MGAT4A: variants seen among roughly 807,000 people sequenced by gnomAD.
The protein encoded by MGAT4A is N-acetylglucosaminyltransferase IVa.
Under a neutral mutation model 74.1 loss-of-function variants are expected in MGAT4A, and 33 were observed. That is an observed-to-expected ratio of 0.45 (90% CI 0.34 to 0.60). MGAT4A has a LOEUF of 0.60. MGAT4A is among the 20% of genes least tolerant of loss of function. MGAT4A has a pLI of 0.02. For missense variants in MGAT4A, 479 were observed against 628.3 expected (o/e 0.76, Z 2.54); for synonymous variants, 198 against 210.4 (o/e 0.94, Z 0.51).
intron 2 of MGAT4A, among the ~76,000 whole-genome samples, chr2:98,693,414 C>T (rs1236556733): frequency 6.6e-6 from 1 of 152,042 alleles, no homozygotes; most frequent in Non-Finnish European, 1.5e-5. Flanking sequence ...TTCCTTTTCT[C>T]GAGTTTTCTA....
At chr2:98,657,092 C>T (rs946378091) in intron 6 of MGAT4A, among the ~76,000 whole-genome samples, 1 of 152,202 alleles carries the variant, frequency 6.6e-6, no homozygotes, top group African/African-American at 2.4e-5. Flanking sequence ...GCCCCCACAA[C>T]AAAAAATTAT....
Position 98,668,763 on chromosome 2 carries a change from G to A in MGAT4A, c.404-5584C>T, listed in dbSNP as rs370172745. On this transcript the variant is annotated intron_variant, in intron 4 of 15. Transcript: ENST00000393487. The stretch of plus-strand genomic sequence containing the variant: ...GAGGCTGTACCCCGCAGAGCCACAG[G>A]GGCAGAGCTGCCCAAGACCATGGGA... 3.3e-5 allele frequency among the ~76,000 whole-genome samples: 5 copies of A among 152,358 alleles called. No individual in the cohort carries two copies. In the East Asian group the frequency reaches 7.7e-4, roughly 23 times the overall value.
intron 2 of MGAT4A, among the ~76,000 whole-genome samples, chr2:98,692,705 T>C (rs1702211738): frequency 6.6e-6 from 1 of 152,208 alleles, no homozygotes. Context: ...TAATTGCCTA[T>C]GGAATTCAGT....
intron 3 of MGAT4A, among the ~76,000 whole-genome samples, chr2:98,677,299 T>C (rs1701987853): frequency 6.6e-6 from 1 of 152,178 alleles, no homozygotes; most frequent in African/African-American, 2.4e-5. Flanking sequence ...GCTCAAAGAT[T>C]TCTCCAGAGT....
At chr2:98,677,001 G>C (rs1701983981) in intron 3 of MGAT4A, among the ~76,000 whole-genome samples, 1 of 152,182 alleles carries the variant, frequency 6.6e-6, no homozygotes, top group Non-Finnish European at 1.5e-5. Context: ...TGAGGCAGTG[G>C]ATCTGGAGAT....
At chr2:98,708,171 T>C (rs1281781052) in intron 2 of MGAT4A, among the ~76,000 whole-genome samples, 1 of 152,096 alleles carries the variant, frequency 6.6e-6, no homozygotes, top group African/African-American at 2.4e-5. Flanking sequence ...TCTCACTATG[T>C]TGCCCAGGCT....
intron 2 of MGAT4A, among the ~76,000 whole-genome samples, chr2:98,693,581 T>A (rs1027240343): frequency 1.3e-5 from 2 of 151,896 alleles, no homozygotes; most frequent in Non-Finnish European, 2.9e-5. Context: ...GTTGCACGCA[T>A]CTGTGGTCCC....
chr2:98,654,196 G>A lies in MGAT4A; in HGVS notation c.774+1249C>T, dbSNP rs1326990754. On this transcript the variant is annotated intron_variant, in intron 8 of 15. Coordinates refer to ENST00000393487, the MANE Select transcript of MGAT4A (RefSeq NM_012214.3). Reference sequence around the variant, plus strand: ...AAAGGTAATATATGAAAAGCCCATCGGTAATATCACACTTGGCAGCAAACA... The same window carrying A: ...AAAGGTAATATATGAAAAGCCCATCAGTAATATCACACTTGGCAGCAAACA... Among the ~76,000 whole-genome samples the A allele has an allele frequency of 2.6e-5, 4 of 152,104 alleles. No homozygotes were observed. The East Asian group carries it at 7.7e-4, about 29-fold the overall frequency.
rs930833555 is a variant in MGAT4A at position 98,658,375 on chromosome 2, T to C, written c.538-111A>G. 14 of 623,306 alleles carry C rather than the reference T, an allele frequency of 2.2e-5. No individual in the cohort carries two copies. The African/African-American group carries it at 2.7e-4, about 12-fold the overall frequency. The allele number at this position is 623,306 out of a possible 1,614,324, so 38.6% of individuals were successfully genotyped here. On this transcript the variant is annotated intron_variant, in intron 5 of 15. Coordinates refer to ENST00000393487, the MANE Select transcript of MGAT4A (RefSeq NM_012214.3). The stretch of plus-strand genomic sequence containing the variant: ...TAAAAACATTCATTAAAACCATACA[T>C]TAAATTTTTAGACAATTTATTAAAT...
At chr2:98,713,046 G>A (rs1259162270) in intron 2 of MGAT4A, among the ~76,000 whole-genome samples, 1 of 152,014 alleles carries the variant, frequency 6.6e-6, no homozygotes, top group Middle Eastern at 3.4e-3. Context: ...GCACACACCT[G>A]TAGTCCCAGC....
chr2:98,730,144 C>CCAACAGCAAAAGCA (rs1232233714), intron 1 of MGAT4A: 1 of 152,230 alleles, frequency 6.6e-6, no homozygotes, highest in South Asian at 2.1e-4. Flanking sequence ...AATAATCTGT[C>CCAACAGCAAAAGCA]CAACAGCAAA....
chr2:98,636,421 T>C (rs1415466025), intron 13 of MGAT4A, 96 bp downstream of exon 13: 1 of 922,000 alleles, frequency 1.1e-6, no homozygotes, highest in African/African-American at 1.7e-5. Flanking sequence ...CTGCAAATCA[T>C]GAGAATTTTC....
rs368096578 is a variant in MGAT4A at position 98,633,107 on chromosome 2, T to C, written c.1468+2115A>G. Among the ~76,000 whole-genome samples the C allele has an allele frequency of 3.0e-4, 45 of 152,296 alleles. 1 individual carries two copies. The highest frequency in any genetic ancestry group is 1.0e-3 in the African/African-American group (42 of 41,572). On this transcript the variant is annotated intron_variant, in intron 14 of 15. Coordinates refer to ENST00000393487, the MANE Select transcript of MGAT4A (RefSeq NM_012214.3). The stretch of plus-strand genomic sequence containing the variant: ...TCTGCTACTGACTGGACTGGGGCAG[T>C]GAGCTAGGACATCGGTGATCAGGGC...
At chr2:98,642,635 A>G (rs183830188) in intron 10 of MGAT4A, among the ~76,000 whole-genome samples, 12 of 152,370 alleles carry the variant, frequency 7.9e-5, no homozygotes, top group African/African-American at 1.4e-4. Flanking sequence ...ATGCAAGTGT[A>G]TTGTAGGAGG....
intron 2 of MGAT4A, among the ~76,000 whole-genome samples, chr2:98,709,774 G>A (rs1172216216): frequency 1.3e-5 from 2 of 152,166 alleles, no homozygotes; most frequent in South Asian, 4.1e-4. Flanking sequence ...GACAAACAAA[G>A]GGGTAAATTC....
intron 1 of MGAT4A, among the ~76,000 whole-genome samples, chr2:98,730,433 T>A (rs1482140802): frequency 6.6e-6 from 1 of 152,150 alleles, no homozygotes; most frequent in Non-Finnish European, 1.5e-5. Context: ...GGGCTGCTCT[T>A]TCACGCGGGC....
At chr2:98,710,281 G>A (rs1283133316) in intron 2 of MGAT4A, among the ~76,000 whole-genome samples, 1 of 152,216 alleles carries the variant, frequency 6.6e-6, no homozygotes, top group Admixed American at 6.5e-5. Flanking sequence ...GAATGCAGAA[G>A]AGGCAAAGAA....
chr2:98,720,621 T>TGA (rs1448070228), intron 2 of MGAT4A, among the ~76,000 whole-genome samples: 5 of 103,654 alleles, frequency 4.8e-5, no homozygotes, highest in South Asian at 2.9e-4. Flanking sequence ...CACATGTGTT[T>TGA]GAGTGTGTGT....
Position 98,640,359 on chromosome 2 carries a change from C to T in MGAT4A, c.1021-131G>A, listed in dbSNP as rs1461252514. On this transcript the variant is annotated intron_variant, in intron 10 of 15. Coordinates refer to ENST00000393487, the MANE Select transcript of MGAT4A (RefSeq NM_012214.3). The stretch of plus-strand genomic sequence containing the variant: ...GCGCGGTGGGTCATGCCTATAATCC[C>T]AGCATGTTGAAAGGCCAAGGCAGGT... 3 of 719,916 alleles carry T rather than the reference C, an allele frequency of 4.2e-6. No individual in the cohort carries two copies. In the East Asian group the frequency reaches 8.3e-5, roughly 20 times the overall value. The allele number at this position is 719,916 out of a possible 1,614,324, so 44.6% of individuals were successfully genotyped here. A position where few individuals can be genotyped will look rare whatever the true frequency, so the allele number is the denominator to read the frequency against.
Sources: gnomAD v4.1 joint callset for allele counts (sites outside exome capture counted in the v4.1 genomes callset) on GRCh38, gnomAD v4.1.1 for gene constraint, MANE v1.5 for transcripts, NCBI Gene and HGNC (gene_info 2026-07-23, HGNC 2026-07-21) for gene names.